ANO2: variants seen among roughly 807,000 people sequenced by gnomAD.
ANO2 encodes anoctamin 2.
Under a neutral mutation model 124.2 loss-of-function variants are expected in ANO2, and 101 were observed. The ratio of observed to expected loss-of-function variants is 0.81; its 90% CI spans 0.69 to 0.96. ANO2 has a LOEUF of 0.96. ANO2 is among the 40% of genes least tolerant of loss of function. ANO2 has a pLI of 0.00. For synonymous variants in ANO2, 486 were observed against 482.5 expected (o/e 1.01, Z -0.09); for missense variants, 1,293 against 1,274.5 (o/e 1.01, Z -0.22).
chr12:5,939,003 G>C (rs1252649428), intron 1 of ANO2, among the ~76,000 whole-genome samples: 1 of 151,444 alleles, frequency 6.6e-6, no homozygotes, highest in Non-Finnish European at 1.5e-5. Context: ...CGGATGATGA[G>C]GTCAAGAGAT....
intron 19 of ANO2, among the ~76,000 whole-genome samples, chr12:5,600,004 C>T (rs557950255): frequency 6.6e-6 from 1 of 152,284 alleles, no homozygotes; most frequent in African/African-American, 2.4e-5. Context: ...GGTCTGTTCT[C>T]CTCCTAGGTG....
intron 10 of ANO2, among the ~76,000 whole-genome samples, chr12:5,777,982 C>T (rs180729640): frequency 2.5e-4 from 38 of 152,302 alleles, no homozygotes; most frequent in African/African-American, 8.2e-4. Flanking sequence ...CAGCTGTTCC[C>T]CATCTCCTCT....
intron 14 of ANO2, among the ~76,000 whole-genome samples, chr12:5,685,167 G>A (rs993373892): frequency 2.6e-5 from 4 of 152,162 alleles, no homozygotes; most frequent in African/African-American, 9.7e-5. Context: ...TGGCAGGAAA[G>A]GCCAAGAAAG....
Position 5,908,545 on chromosome 12 carries a change from T to G in ANO2, c.534+12495A>C, listed in dbSNP as rs1393021102. 6.6e-6 allele frequency among the ~76,000 whole-genome samples: 1 copy of G among 152,160 alleles called. No homozygotes were observed. The highest frequency in any genetic ancestry group is 1.5e-5 in the Non-Finnish European group (1 of 68,038). On this transcript the variant is annotated intron_variant, in intron 3 of 24. Coordinates refer to ENST00000682330, the MANE Select transcript of ANO2 (RefSeq NM_001364791.2). This position sits in a 1 kb window ranked among gnomAD's most constrained non-coding sequence, Gnocchi z 4.7. ...GCAGTAGCCGAGACTCCCAACCCAG[T>G]GATGCTCAAGGAATGGTAAACACAT...
At chr12:5,690,154 C>T (rs1361960749) in intron 14 of ANO2, among the ~76,000 whole-genome samples, 2 of 152,152 alleles carry the variant, frequency 1.3e-5, no homozygotes, top group Admixed American at 1.3e-4. Context: ...CTAATACAGG[C>T]ATTCTCAACC....
chr12:5,595,949 T>G (rs1355139873), intron 20 of ANO2, among the ~76,000 whole-genome samples: 1 of 152,222 alleles, frequency 6.6e-6, no homozygotes. Context: ...TGAAAGGGTA[T>G]TCTCATATAT....
chr12:5,875,606 C>T (rs1938040640), intron 3 of ANO2, among the ~76,000 whole-genome samples: 1 of 152,244 alleles, frequency 6.6e-6, no homozygotes, highest in Non-Finnish European at 1.5e-5. Flanking sequence ...TGCCTAATAA[C>T]TACCACTAAC....
At chr12:5,831,984 G>A (rs998920615) in intron 5 of ANO2, among the ~76,000 whole-genome samples, 1 of 152,190 alleles carries the variant, frequency 6.6e-6, no homozygotes, top group African/African-American at 2.4e-5. Flanking sequence ...CAGGGACAGG[G>A]AAAGACCCCT....
At chr12:5,684,190 A>G (rs1420224901) in intron 14 of ANO2, among the ~76,000 whole-genome samples, 1 of 152,054 alleles carries the variant, frequency 6.6e-6, no homozygotes, top group South Asian at 2.1e-4. Flanking sequence ...TGGCACCAAG[A>G]TCTGTCAGCA....
At chr12:5,936,045 G>A (rs11063930) in intron 1 of ANO2, among the ~76,000 whole-genome samples, 14,843 of 152,256 alleles carry the variant, frequency 0.097, 1,157 homozygotes, top group African/African-American at 0.21. Flanking sequence ...CTTCTTTGGA[G>A]AAATGTCTAT....
At chr12:5,889,118 C>T (rs902201928) in intron 3 of ANO2, among the ~76,000 whole-genome samples, 4 of 152,236 alleles carry the variant, frequency 2.6e-5, no homozygotes, top group Admixed American at 1.3e-4. Flanking sequence ...TGCCCACGGC[C>T]GGCGGGCCGG....
chr12:5,930,141 G>A lies in ANO2; in HGVS notation c.23-7337C>T, dbSNP rs12581516. 2.3e-4 allele frequency among the ~76,000 whole-genome samples: 13 copies of A among 55,734 alleles called. 1 individual carries two copies. Among genetic ancestry groups the A allele is most frequent in the East Asian group, 6.3e-3 (2 of 316 alleles). The allele number at this position is 55,734 out of a possible 152,430, so 36.6% of individuals were successfully genotyped here. On this transcript the variant is annotated intron_variant, in intron 1 of 24. Transcript: ENST00000682330. ...ACCAGTCTTCCTTCCTTACTAGTCT[G>A]TCTTCTTTCCTCACTCGTCTGCCTT...
chr12:5,800,448 G>C (rs1251197491), intron 9 of ANO2, among the ~76,000 whole-genome samples: 4 of 152,256 alleles, frequency 2.6e-5, no homozygotes, highest in Non-Finnish European at 5.9e-5. Flanking sequence ...TCTGGCTGCT[G>C]TGTGGAGAAC....
chr12:5,926,501 G>A (rs1049658921), intron 1 of ANO2, among the ~76,000 whole-genome samples: 4 of 152,014 alleles, frequency 2.6e-5, no homozygotes, highest in African/African-American at 4.8e-5. Context: ...CTGGGGTCCC[G>A]CCATACACCT....
chr12:5,690,812 G>A (rs914648232), intron 14 of ANO2, among the ~76,000 whole-genome samples: 2 of 152,134 alleles, frequency 1.3e-5, no homozygotes, highest in Admixed American at 1.3e-4. Context: ...ACCCCATCCT[G>A]AGCATAAAAA....
At chr12:5,610,079 TATAA>T (rs1477992088) in intron 19 of ANO2, among the ~76,000 whole-genome samples, 3 of 134,462 alleles carry the variant, frequency 2.2e-5, no homozygotes, top group Non-Finnish European at 4.6e-5. Context: ...TTATATATAA[TATAA>T]ATATATATAT....
chr12:5,754,711 G>A (rs1565643601), intron 10 of ANO2, among the ~76,000 whole-genome samples: 1 of 151,958 alleles, frequency 6.6e-6, no homozygotes, highest in African/African-American at 2.4e-5. Flanking sequence ...ATTCTAGATT[G>A]TCCAATTTGT....
intron 11 of ANO2, among the ~76,000 whole-genome samples, chr12:5,748,052 G>T (rs1939699674): frequency 6.6e-6 from 1 of 152,180 alleles, no homozygotes. Flanking sequence ...ATCTGCACGT[G>T]CATGAGTGTG....
intron 20 of ANO2, among the ~76,000 whole-genome samples, chr12:5,591,902 G>A (rs1377497792): frequency 6.6e-6 from 1 of 152,194 alleles, no homozygotes; most frequent in Admixed American, 6.5e-5. Flanking sequence ...TGCAGAGGCA[G>A]GGATGTGGCC....
Sources: allele counts gnomAD v4.1 joint callset (sites outside exome capture counted in the v4.1 genomes callset), GRCh38; gene constraint gnomAD v4.1.1; non-coding constraint Gnocchi (gnomAD v3.1); transcripts MANE v1.5; gene names NCBI Gene and HGNC (gene_info 2026-07-23, HGNC 2026-07-21).